Variants in SEC63 observed in about 807,000 individuals in gnomAD.
SEC63 encodes the protein translocation protein SEC63 homolog.
In SEC63, 56 loss-of-function variants were observed where a neutral mutation model predicts 116.2. The ratio of observed to expected loss-of-function variants is 0.48; its 90% confidence interval spans 0.39 to 0.60. The LOEUF is 0.60. Among genes scored for constraint, SEC63 ranks in the 20% least tolerant of loss-of-function variants. The pLI is 0.00. For missense variants in SEC63, 668 were observed against 900.0 expected (o/e 0.74, Z 3.30); for synonymous variants, 273 against 294.6 (o/e 0.93, Z 0.75).
intron 1 of SEC63, 93 bp from the exon 2 acceptor site, chr6:107,929,607 C>T (rs1787754171): frequency 1.4e-6 from 1 of 738,008 alleles, no homozygotes; most frequent in South Asian, 1.5e-5. Flanking sequence ...CATTACCACG[C>T]TAATAGTTTA....
chr6:107,923,262 T>C (rs1300292349), intron 3 of SEC63, among the ~76,000 whole-genome samples: 1 of 151,922 alleles, frequency 6.6e-6, no homozygotes, highest in African/African-American at 2.4e-5. Flanking sequence ...CAGGGGTGTG[T>C]CACCACGTTC....
At chr6:107,942,394 C>T (rs1234322584) in intron 1 of SEC63, among the ~76,000 whole-genome samples, 1 of 152,208 alleles carries the variant, frequency 6.6e-6, no homozygotes, top group African/African-American at 2.4e-5. Flanking sequence ...GTTCACCCCT[C>T]CTCTTTCCAG....
chr6:107,908,646 C>A (rs1418111404), intron 8 of SEC63, among the ~76,000 whole-genome samples: 1 of 152,020 alleles, frequency 6.6e-6, no homozygotes, highest in Non-Finnish European at 1.5e-5. Context: ...GTCTGGCATA[C>A]AACAAATAAT....
intron 4 of SEC63, among the ~76,000 whole-genome samples, chr6:107,918,715 A>T (rs1050054047): frequency 6.6e-6 from 1 of 151,640 alleles, no homozygotes; most frequent in Non-Finnish European, 1.5e-5. Flanking sequence ...CAAAAAACAA[A>T]AAGAAGACAT....
chr6:107,907,368 A>T (rs1350669289), intron 8 of SEC63, among the ~76,000 whole-genome samples: 3 of 152,120 alleles, frequency 2.0e-5, no homozygotes, highest in Non-Finnish European at 2.9e-5. Context: ...GGAATTTGAG[A>T]CCAGCCAGTT....
intron 1 of SEC63, among the ~76,000 whole-genome samples, chr6:107,941,408 G>A (rs1184643072): frequency 6.6e-6 from 1 of 151,908 alleles, no homozygotes; most frequent in African/African-American, 2.4e-5. Flanking sequence ...AGAAGGCAGA[G>A]GAATCAGCTC....
At position 107,939,786 on chromosome 6, in the gene SEC63, A is replaced by T. The variant is rs185305426; in HGVS notation, c.125-10272T>A. Among the ~76,000 whole-genome samples, 1,347 of 152,114 alleles carry T rather than the reference A, an allele frequency of 8.9e-3. 29 individuals carry two copies. The highest frequency in any genetic ancestry group is 0.025 in the African/African-American group (1,040 of 41,370). The stretch of plus-strand genomic sequence containing the variant: ...AATAATTTAAAAAAAAAAATTTTTA[A>T]AAACAATCTTTCCTTTAACCGTGGT... On this transcript the variant is annotated intron_variant, in intron 1 of 20. Transcript: ENST00000369002.
At position 107,870,140 on chromosome 6, in the gene SEC63, C is replaced by CT. The variant is rs1389699603; in HGVS notation, c.*1563dup. The CT allele has an allele frequency of 6.6e-6, 1 of 152,496 alleles. No homozygotes were observed. The highest frequency in any genetic ancestry group is 1.9e-4 in the East Asian group (1 of 5,182). The allele number at this position is 152,496 out of a possible 1,614,324, so 9.4% of individuals were successfully genotyped here. A position where few individuals can be genotyped will look rare whatever the true frequency, so the allele number is the denominator to read the frequency against. On this transcript the variant is annotated 3_prime_UTR_variant, in exon 21 of 21. Coordinates refer to ENST00000369002, the MANE Select transcript of SEC63 (RefSeq NM_007214.5). Reference sequence around the variant, plus strand: ...ACCTGATTTGAAAATTAAACCCACCCTCCTACTTGTACAATGAAGTAAATG... The same window carrying CT: ...ACCTGATTTGAAAATTAAACCCACCCTTCCTACTTGTACAATGAAGTAAATG...
In SEC63 at chr6:107,868,333, C is replaced by G. The variant is rs1786047519; in HGVS notation, c.*3371G>C. The stretch of plus-strand genomic sequence containing the variant: ...GTGGCTCATGCCTGTAATGCCAGCA[C>G]TTTGGGAGGCTGAGGAGGGCTGATC... On this transcript the variant is annotated 3_prime_UTR_variant, in exon 21 of 21. Coordinates refer to ENST00000369002, the MANE Select transcript of SEC63 (RefSeq NM_007214.5). 1 of 152,022 alleles carries G rather than the reference C, an allele frequency of 6.6e-6. No individual in the cohort carries two copies. The allele number at this position is 152,022 out of a possible 1,614,324, so 9.4% of individuals were successfully genotyped here.
At chr6:107,896,294 T>A (rs979733651) in intron 14 of SEC63, among the ~76,000 whole-genome samples, 2 of 152,088 alleles carry the variant, frequency 1.3e-5, no homozygotes, top group African/African-American at 4.8e-5. Flanking sequence ...TGAAACCCCA[T>A]CTCTACTAAA....
At chr6:107,948,266 T>C (rs368148685) in intron 1 of SEC63, among the ~76,000 whole-genome samples, 5 of 152,108 alleles carry the variant, frequency 3.3e-5, no homozygotes, top group African/African-American at 1.2e-4. Flanking sequence ...CAGCAGAGAG[T>C]AGTGGCTAAC....
chr6:107,881,050 A>G, intron 18 of SEC63, 99 bp downstream of exon 18: 1 of 840,774 alleles, frequency 1.2e-6, no homozygotes, highest in Non-Finnish European at 2.1e-6. Context: ...TTTAGCACAT[A>G]TGAACTAATA....
chr6:107,913,393 C>G lies in SEC63; in HGVS notation c.487G>C (p.Glu163Gln). 1 of 1,613,022 alleles carries G rather than the reference C, an allele frequency of 6.2e-7. No individual in the cohort carries two copies. Among genetic ancestry groups the G allele is most frequent in the Non-Finnish European group, 8.5e-7 (1 of 1,179,092 alleles). Residue 163 changes from glutamate (E) to glutamine (Q), a missense_variant, in exon 5 of 21, where the codon GAA (glutamate) becomes CAA (glutamine). By Grantham distance (29) the Glu-to-Gln change is conservative (BLOSUM62 2). Around this residue, in one of 5 missense-constraint regions of SEC63, gnomAD observed 10 missense variants for 39.6 expected, o/e 0.25. Coordinates refer to ENST00000369002, the MANE Select transcript of SEC63 (RefSeq NM_007214.5). ...TGAGGCCCATCTGGATTTCCAAATT[C>G]TTCCCAATTTTTCCGGGACTCTTCA... The part of the protein sequence containing the change: ...TDEESRKNWE[E>Q]FGNPDGPQAT...
At position 107,883,019 on chromosome 6, in the gene SEC63, T is replaced by C; in HGVS notation, c.1802A>G (p.Gln601Arg). The change falls in exon 17 of 21, where the codon CAA (glutamine) becomes CGA (arginine). Residue 601 changes from glutamine to arginine, a missense_variant. By Grantham distance (43) the Gln-to-Arg change is conservative (BLOSUM62 1). Transcript: ENST00000369002. Reference sequence around the variant, plus strand: ...ATCATCTTTGTTTTGTTTTTCATCTTGCTCTCTATCAGAGTCTCTGTCACT... The same window carrying C: ...ATCATCTTTGTTTTGTTTTTCATCTCGCTCTCTATCAGAGTCTCTGTCACT... ...DGSDRDSDRE[Q>R]DEKQNKDDEA... is the part of the protein sequence containing the mutation. 1 of 1,611,614 alleles carries C rather than the reference T, an allele frequency of 6.2e-7. No homozygotes were observed. Among genetic ancestry groups the C allele is most frequent in the East Asian group, 2.2e-5 (1 of 44,772 alleles).
intron 18 of SEC63, among the ~76,000 whole-genome samples, chr6:107,878,233 C>T (rs1583722115): frequency 1.3e-5 from 2 of 152,308 alleles, no homozygotes; most frequent in East Asian, 3.9e-4. Context: ...ATTTCACTTC[C>T]CTAAAATCTC....
rs1786999896 is a variant in SEC63, at chr6:107,901,413, G to A, written c.1314C>T (p.Val438=). The part of the protein sequence containing the change: ...EDEKYEEVMA[V]LGSFPYVTMD... ...TGGTCACATATGGAAAACTCCCAAGGACAGCCATAACCTCTTCATATTTTT... is the reference window on the plus strand; with the variant it reads ...TGGTCACATATGGAAAACTCCCAAGAACAGCCATAACCTCTTCATATTTTT... The change falls in exon 13 of 21, where the codon GTC becomes GTT. Residue 438 remains valine (V), a synonymous_variant. Transcript: ENST00000369002. The A allele has an allele frequency of 6.2e-7, 1 of 1,613,240 alleles. No homozygotes were observed. Among genetic ancestry groups the A allele is most frequent in the East Asian group, 2.2e-5 (1 of 44,778 alleles).
At chr6:107,955,063 A>G (rs1177598627) in intron 1 of SEC63, among the ~76,000 whole-genome samples, 1 of 152,256 alleles carries the variant, frequency 6.6e-6, no homozygotes, top group African/African-American at 2.4e-5. Flanking sequence ...TCTATCTAGC[A>G]GTATGGAAAC....
chr6:107,877,680 G>A (rs1164635602), intron 18 of SEC63, among the ~76,000 whole-genome samples: 3 of 152,090 alleles, frequency 2.0e-5, no homozygotes, highest in Non-Finnish European at 2.9e-5. Flanking sequence ...GGGCTCAAGC[G>A]ATCCTCCCAT....
At chr6:107,917,253 T>A (rs950811375) in intron 4 of SEC63, among the ~76,000 whole-genome samples, 3 of 152,230 alleles carry the variant, frequency 2.0e-5, no homozygotes, top group African/African-American at 4.8e-5. Context: ...ATTTAGTATC[T>A]ATAGAAACAA....
Sources: allele counts gnomAD v4.1 joint callset (sites outside exome capture counted in the v4.1 genomes callset), GRCh38; gene constraint gnomAD v4.1.1; regional missense constraint gnomAD v4.1.1; transcripts MANE v1.5; gene names NCBI Gene and HGNC (gene_info 2026-07-23, HGNC 2026-07-21).